SPAG16: variants seen among roughly 807,000 people sequenced by gnomAD.
SPAG16 encodes sperm-associated antigen 16 protein.
Under a neutral mutation model 80.4 loss-of-function variants are expected in SPAG16, and 86 were observed. The observed-to-expected ratio is 1.07, with a 90% CI of 0.90 to 1.28. SPAG16 has a LOEUF of 1.28. SPAG16 is among the 50% of genes most tolerant of loss of function. The pLI is 0.00. For synonymous variants in SPAG16, 294 were observed against 265.9 expected (o/e 1.11, Z -1.03); for missense variants, 870 against 765.3 (o/e 1.14, Z -1.61).
intron 3 of SPAG16, among the ~76,000 whole-genome samples, chr2:213,306,525 A>G (rs138344577): frequency 6.7e-6 from 1 of 149,438 alleles, no homozygotes; most frequent in African/African-American, 2.5e-5. Flanking sequence ...ATAACTTGCC[A>G]AAGAATTACA....
intron 10 of SPAG16, among the ~76,000 whole-genome samples, chr2:213,551,331 A>G (rs1351788941): frequency 6.6e-6 from 1 of 152,194 alleles, no homozygotes; most frequent in African/African-American, 2.4e-5. Context: ...TTTCACTGGC[A>G]TTAGGGGGCA....
At chr2:213,515,785 A>G (rs1221355974) in intron 10 of SPAG16, among the ~76,000 whole-genome samples, 1 of 152,192 alleles carries the variant, frequency 6.6e-6, no homozygotes, top group East Asian at 1.9e-4. Flanking sequence ...TTACCTTCAG[A>G]TAATTTTATG....
chr2:214,372,763 T>C (rs1442107883), intron 15 of SPAG16, among the ~76,000 whole-genome samples: 1 of 152,206 alleles, frequency 6.6e-6, no homozygotes, highest in East Asian at 1.9e-4. Flanking sequence ...ATGGGATATA[T>C]GTATATATTT....
At chr2:213,355,700 T>C (rs943864413) in intron 7 of SPAG16, among the ~76,000 whole-genome samples, 8 of 152,334 alleles carry the variant, frequency 5.3e-5, no homozygotes, top group Admixed American at 2.0e-4. Context: ...CTTGTGATTG[T>C]TGCACATTGA....
intron 7 of SPAG16, among the ~76,000 whole-genome samples, chr2:213,352,556 T>C (rs2065392682): frequency 1.3e-5 from 2 of 152,198 alleles, no homozygotes; most frequent in African/African-American, 2.4e-5. Context: ...GATGGTTTAG[T>C]GGAAAGAGCT....
intron 12 of SPAG16, among the ~76,000 whole-genome samples, chr2:213,968,301 A>G (rs1047511373): frequency 1.3e-5 from 2 of 151,910 alleles, no homozygotes; most frequent in African/African-American, 2.4e-5. Flanking sequence ...CAGCCTCCCA[A>G]GCAGCTGGGA....
intron 11 of SPAG16, among the ~76,000 whole-genome samples, chr2:213,864,976 T>C (rs2105959768): frequency 6.6e-6 from 1 of 152,142 alleles, no homozygotes; most frequent in African/African-American, 2.4e-5. Context: ...CCAGCTAATA[T>C]GATGTCGAAA....
At chr2:213,425,651 C>CA (rs34843702) in intron 9 of SPAG16, among the ~76,000 whole-genome samples, 30,179 of 81,748 alleles carry the variant, frequency 0.37, 4,865 homozygotes, top group Middle Eastern at 0.57. Context: ...GACTCCATCT[C>CA]AAAAAAAAAA....
At chr2:214,102,676 T>C (rs1380990099) in intron 13 of SPAG16, among the ~76,000 whole-genome samples, 3 of 152,104 alleles carry the variant, frequency 2.0e-5, no homozygotes, top group Non-Finnish European at 4.4e-5. Flanking sequence ...AGATCAGAGT[T>C]ACCCTGATTT....
rs550342194 is a variant in SPAG16 at position 213,296,187 on chromosome 2, A to G, written c.183+77A>G. 9 of 1,097,382 alleles carry G rather than the reference A, an allele frequency of 8.2e-6. No individual in the cohort carries two copies. In the East Asian group the frequency reaches 1.4e-4, roughly 17 times the overall value. 68.0% of individuals were successfully genotyped at this position (1,097,382 alleles called of 1,614,324 possible). A position where few individuals can be genotyped will look rare whatever the true frequency, so the allele number is the denominator to read the frequency against. ...CATGAAATGCTCATTTTATTTTCTG[A>G]AACATGTAAGAACCATTCTTTTTTC... is the stretch of plus-strand genomic sequence containing the variant. On this transcript the variant is annotated intron_variant, in intron 2 of 15. Coordinates refer to ENST00000331683, the MANE Select transcript of SPAG16 (RefSeq NM_024532.5).
At chr2:214,336,997 C>A (rs571595300) in intron 15 of SPAG16, among the ~76,000 whole-genome samples, 9 of 146,320 alleles carry the variant, frequency 6.2e-5, no homozygotes, top group African/African-American at 2.0e-4. Flanking sequence ...GACAAGTTTA[C>A]AGAGACAGAA....
At chr2:213,794,882 T>G (rs1318721450) in intron 10 of SPAG16, among the ~76,000 whole-genome samples, 1 of 152,168 alleles carries the variant, frequency 6.6e-6, no homozygotes, top group Non-Finnish European at 1.5e-5. Flanking sequence ...CTGATTTTCC[T>G]GAAATTAATA....
At chr2:213,723,509 A>G (rs2066620184) in intron 10 of SPAG16, among the ~76,000 whole-genome samples, 1 of 152,202 alleles carries the variant, frequency 6.6e-6, no homozygotes, top group African/African-American at 2.4e-5. Context: ...AATTGAATGT[A>G]GAAGGACAGA....
chr2:214,057,884 A>C (rs753927226), intron 13 of SPAG16, among the ~76,000 whole-genome samples: 1 of 151,412 alleles, frequency 6.6e-6, no homozygotes, highest in Admixed American at 6.6e-5. Context: ...CTTAAACTTC[A>C]TGAACCAACT....
intron 15 of SPAG16, among the ~76,000 whole-genome samples, chr2:214,306,614 T>C (rs1186963122): frequency 6.6e-6 from 1 of 152,224 alleles, no homozygotes; most frequent in Non-Finnish European, 1.5e-5. Flanking sequence ...TGAAAGCCTT[T>C]TCTGCATCTG....
intron 9 of SPAG16, among the ~76,000 whole-genome samples, chr2:213,448,933 G>C (rs539896153): frequency 6.6e-6 from 1 of 152,118 alleles, no homozygotes; most frequent in South Asian, 2.1e-4. Context: ...ACAACCATAA[G>C]GTCTGACTGC....
chr2:213,674,201 T>C (rs2063936810), intron 10 of SPAG16, among the ~76,000 whole-genome samples: 1 of 152,124 alleles, frequency 6.6e-6, no homozygotes, highest in African/African-American at 2.4e-5. Context: ...TGGCATGCTG[T>C]TATAATTTTA....
intron 13 of SPAG16, among the ~76,000 whole-genome samples, chr2:214,095,552 T>C (rs71428325): frequency 0.078 from 11,874 of 152,114 alleles, 603 homozygotes; most frequent in East Asian, 0.28. Flanking sequence ...GAAAGCCACC[T>C]ATTATAAAAC....
chr2:213,517,320 A>C (rs2075468519), intron 10 of SPAG16, among the ~76,000 whole-genome samples: 1 of 152,204 alleles, frequency 6.6e-6, no homozygotes, highest in Admixed American at 6.5e-5. Context: ...TGACACAAAT[A>C]AAGAGAAAAT....
Sources: allele counts gnomAD v4.1 joint callset (sites outside exome capture counted in the v4.1 genomes callset), GRCh38; gene constraint gnomAD v4.1.1; transcripts MANE v1.5; gene names NCBI Gene and HGNC (gene_info 2026-07-23, HGNC 2026-07-21).